MAF: variants seen among roughly 807,000 people sequenced by gnomAD.
MAF encodes MAF bZIP transcription factor, also known as transcription factor Maf.
A neutral mutation model predicts 22.0 loss-of-function variants in MAF; 10 were observed. The ratio of observed to expected loss-of-function variants is 0.45; its 90% CI spans 0.28 to 0.77. The LOEUF is 0.77. Ranked by LOEUF, MAF falls within the 30% of genes least tolerant of loss-of-function variation. MAF has a pLI of 0.12. For synonymous variants in MAF, 337 were observed against 255.8 expected (o/e 1.32, Z -3.03); for missense variants, 544 against 548.4 (o/e 0.99, Z 0.08).
chr16:79,571,530 A>ATTTTTTTTTTTTTTTTTTTTTTTTTTTTT, the MAF span, among the ~76,000 whole-genome samples: 5 of 103,878 alleles, frequency 4.8e-5, no homozygotes, highest in African/African-American at 1.9e-4. Flanking sequence ...TCTCAGCGGA[A>ATTTTTTTTTTTTTTTTTTTTTTTTTTTTT]TTTTTTTTTT....
the MAF span, among the ~76,000 whole-genome samples, chr16:79,535,926 C>A: frequency 6.6e-6 from 1 of 152,166 alleles, no homozygotes. Flanking sequence ...TGTGATACCG[C>A]CATGAAGTCA....
the MAF span, among the ~76,000 whole-genome samples, chr16:79,398,201 TC>T: frequency 6.6e-6 from 1 of 152,092 alleles, no homozygotes; most frequent in Non-Finnish European, 1.5e-5. Flanking sequence ...CCACATCTCC[TC>T]TCTCTTTGAC....
the MAF span, among the ~76,000 whole-genome samples, chr16:79,440,440 C>CT: frequency 1.3e-5 from 2 of 152,020 alleles, no homozygotes; most frequent in Admixed American, 1.3e-4. Flanking sequence ...CTTCTTTCTT[C>CT]TTTTTTTTCC....
At chr16:79,323,287 G>T in the MAF span, among the ~76,000 whole-genome samples, 3 of 151,216 alleles carry the variant, frequency 2.0e-5, no homozygotes, top group South Asian at 2.1e-4. Context: ...GCTGCAGGGA[G>T]CCCAGTTAGA....
At chr16:79,226,265 A>C in the MAF span, among the ~76,000 whole-genome samples, 1 of 152,358 alleles carries the variant, frequency 6.6e-6, no homozygotes, top group East Asian at 1.9e-4. Flanking sequence ...CATTCTCAGC[A>C]AACCAACACA....
the MAF span, among the ~76,000 whole-genome samples, chr16:79,381,642 G>A: frequency 6.6e-6 from 1 of 152,152 alleles, no homozygotes; most frequent in Non-Finnish European, 1.5e-5. Flanking sequence ...CTGTCTGGGG[G>A]CCCATGTTCC....
In MAF at chr16:79,600,077, C is replaced by T. The variant is rs1714808294; in HGVS notation, c.-175G>A. The T allele has an allele frequency of 1.4e-6, 1 of 733,144 alleles. No individual in the cohort carries two copies. Among genetic ancestry groups the T allele is most frequent in the Non-Finnish European group, 2.1e-6 (1 of 478,762 alleles). 45.4% of individuals were successfully genotyped at this position (733,144 alleles called of 1,614,324 possible). A position where few individuals can be genotyped will look rare whatever the true frequency, so the allele number is the denominator to read the frequency against. ...CCGAGCGCGCTCACACACACACCCCCCCGCCCTGCCCGCGCCCCCCGCGCC... is the reference window on the plus strand; with the variant it reads ...CCGAGCGCGCTCACACACACACCCCTCCGCCCTGCCCGCGCCCCCCGCGCC... On this transcript the variant is annotated 5_prime_UTR_variant, in exon 1 of 2. Coordinates refer to ENST00000326043, the MANE Select transcript of MAF (RefSeq NM_005360.5).
the MAF span, among the ~76,000 whole-genome samples, chr16:79,239,204 C>A: frequency 6.6e-6 from 1 of 152,036 alleles, no homozygotes; most frequent in African/African-American, 2.4e-5. Flanking sequence ...TCTGTTGCTT[C>A]CCAAATTCTG....
the MAF span, among the ~76,000 whole-genome samples, chr16:79,519,817 G>C: frequency 6.6e-6 from 1 of 152,258 alleles, no homozygotes; most frequent in Non-Finnish European, 1.5e-5. Context: ...CTGTGGTCCT[G>C]TGATCTGTCA....
the MAF span, among the ~76,000 whole-genome samples, chr16:79,443,240 G>C: frequency 6.6e-6 from 1 of 152,096 alleles, no homozygotes; most frequent in Non-Finnish European, 1.5e-5. Flanking sequence ...TGTTAAACTG[G>C]GACATTTGGT....
chr16:79,521,712 T>C, the MAF span, among the ~76,000 whole-genome samples: 1 of 152,196 alleles, frequency 6.6e-6, no homozygotes, highest in Non-Finnish European at 1.5e-5. Context: ...CGAGACTCAG[T>C]TTTCCCATCT....
the MAF span, among the ~76,000 whole-genome samples, chr16:79,565,513 G>A: frequency 2.2e-4 from 34 of 152,152 alleles, no homozygotes; most frequent in South Asian, 6.7e-3. Flanking sequence ...TTGTGGGGGG[G>A]GGGACCAGTT....
the MAF span, among the ~76,000 whole-genome samples, chr16:79,389,976 CAAAAAAA>C: frequency 1.9e-4 from 12 of 62,964 alleles, no homozygotes; most frequent in Middle Eastern, 0.013. Context: ...GACTCCATCT[CAAAAAAA>C]AAAAAAAAAA....
the MAF span, among the ~76,000 whole-genome samples, chr16:79,381,029 C>A: frequency 6.6e-6 from 1 of 152,384 alleles, no homozygotes; most frequent in South Asian, 2.1e-4. Context: ...GTCCTTTGCC[C>A]TGAAGGGCAG....
At chr16:79,239,344 G>T in the MAF span, among the ~76,000 whole-genome samples, 1 of 151,982 alleles carries the variant, frequency 6.6e-6, no homozygotes, top group Non-Finnish European at 1.5e-5. Flanking sequence ...TTCCTGGGCC[G>T]TGGGACAGTC....
At chr16:79,471,896 T>G in the MAF span, among the ~76,000 whole-genome samples, 1 of 152,132 alleles carries the variant, frequency 6.6e-6, no homozygotes, top group African/African-American at 2.4e-5. Flanking sequence ...GTGATATGAG[T>G]GACATCACTG....
the MAF span, among the ~76,000 whole-genome samples, chr16:79,392,528 A>C: frequency 6.6e-6 from 1 of 152,032 alleles, no homozygotes; most frequent in Non-Finnish European, 1.5e-5. Flanking sequence ...AAACAAAGCC[A>C]GTAAACAAGA....
the MAF span, among the ~76,000 whole-genome samples, chr16:79,577,550 A>G: frequency 6.6e-6 from 1 of 152,156 alleles, no homozygotes; most frequent in Non-Finnish European, 1.5e-5. Context: ...AGCTGTTGTC[A>G]TCATAGCCCA....
At chr16:79,518,392 A>G in the MAF span, among the ~76,000 whole-genome samples, 1 of 152,198 alleles carries the variant, frequency 6.6e-6, no homozygotes, top group South Asian at 2.1e-4. Context: ...GTCATTAACA[A>G]CACAAGCTCT....
Sources: allele counts gnomAD v4.1 joint callset (sites outside exome capture counted in the v4.1 genomes callset), GRCh38; gene constraint gnomAD v4.1.1; transcripts MANE v1.5; gene names NCBI Gene and HGNC (gene_info 2026-07-23, HGNC 2026-07-21).